SPATA21: variants seen among roughly 807,000 people sequenced by gnomAD.
The protein encoded by SPATA21 is spermatogenesis-associated protein 21.
Under a neutral mutation model 54.8 loss-of-function variants are expected in SPATA21, and 47 were observed. The ratio of observed to expected loss-of-function variants is 0.86; its 90% confidence interval spans 0.68 to 1.09. The LOEUF is 1.09. SPATA21 is among the 50% of genes least tolerant of loss of function. SPATA21 has a pLI of 0.00. For missense variants in SPATA21, 599 were observed against 596.4 expected (o/e 1.00, Z -0.05); for synonymous variants, 245 against 235.3 (o/e 1.04, Z -0.38).
At chr1:16,426,580 T>TATATATATATATATATATA (rs1553166390) in intron 3 of SPATA21, among the ~76,000 whole-genome samples, 3 of 77,990 alleles carry the variant, frequency 3.8e-5, no homozygotes, top group East Asian at 5.5e-4. Flanking sequence ...TATATATATA[T>TATATATATATATATATATA]TTTTTTTTTT....
chr1:16,429,601 A>G (rs2086407273), intron 3 of SPATA21, among the ~76,000 whole-genome samples: 1 of 151,604 alleles, frequency 6.6e-6, no homozygotes, highest in Non-Finnish European at 1.5e-5. Flanking sequence ...CAGCCTCCCA[A>G]GTTGCTGGGA....
chr1:16,415,427 C>T (rs909110244), intron 5 of SPATA21, among the ~76,000 whole-genome samples: 9 of 152,150 alleles, frequency 5.9e-5, no homozygotes, highest in Non-Finnish European at 1.2e-4. Flanking sequence ...TCATCATGGC[C>T]CTCCGGGGAC....
At position 16,408,614 on chromosome 1, in the gene SPATA21, T is replaced by C. The variant is rs908018323; in HGVS notation, c.673+504A>G. 6.2e-6 allele frequency: 5 copies of C among 807,648 alleles called. No individual in the cohort carries two copies. The African/African-American group carries it at 9.3e-5, about 15-fold the overall frequency. The allele number at this position is 807,648 out of a possible 1,614,324, so 50.0% of individuals were successfully genotyped here. On this transcript the variant is annotated intron_variant, in intron 7 of 12. Coordinates refer to ENST00000335496, the MANE Select transcript of SPATA21 (RefSeq NM_198546.1). The stretch of plus-strand genomic sequence containing the variant: ...GAGGCTGGGCGCGGTGGCTCACGCC[T>C]GTAATTCCAGACTTTGGGAGGCTGA...
At chr1:16,412,971 A>G (rs2085895580) in intron 5 of SPATA21, among the ~76,000 whole-genome samples, 1 of 151,946 alleles carries the variant, frequency 6.6e-6, no homozygotes. Context: ...TTTAGTAGAG[A>G]CAAGGTTTCA....
chr1:16,404,917 A>G, intron 8 of SPATA21, 50 bp downstream of exon 8: 4 of 1,510,482 alleles, frequency 2.6e-6, no homozygotes, highest in Non-Finnish European at 3.5e-6. Flanking sequence ...GTTTCAAGCC[A>G]GTGAAGCAGG....
chr1:16,399,227 C>T, intron 12 of SPATA21, 117 bp downstream of exon 12: 1 of 1,197,556 alleles, frequency 8.4e-7, no homozygotes, highest in Non-Finnish European at 1.1e-6. Flanking sequence ...CTCCCTGGAG[C>T]AAGCAGCCTC....
chr1:16,427,846 G>C (rs1278121428), intron 3 of SPATA21: 5 of 1,540,440 alleles, frequency 3.2e-6, no homozygotes, highest in Non-Finnish European at 3.5e-6. Context: ...CTGTTCTCTC[G>C]AGAGCCCCTC....
intron 2 of SPATA21, 115 bp from the exon 3 acceptor site, chr1:16,431,537 A>C (rs1570222371): frequency 2.1e-6 from 2 of 950,326 alleles, no homozygotes; most frequent in Admixed American, 5.7e-5. Context: ...AGGCGGGGCC[A>C]GGCCTTGCAA....
chr1:16,403,960 C>T lies in SPATA21; in HGVS notation c.883+8G>A. The T allele has an allele frequency of 6.3e-7, 1 of 1,598,320 alleles. No individual in the cohort carries two copies. ...AGTTCTGACTACGCTGGGCTCATCC[C>T]TGCTCACCCACAGAGCAGAAGAAGC... On this transcript the variant is annotated splice_region_variant and intron_variant, in intron 9 of 12. Coordinates refer to ENST00000335496, the MANE Select transcript of SPATA21 (RefSeq NM_198546.1).
chr1:16,420,119 G>A (rs1481441568), intron 5 of SPATA21, among the ~76,000 whole-genome samples: 1 of 151,970 alleles, frequency 6.6e-6, no homozygotes, highest in Non-Finnish European at 1.5e-5. Context: ...TGACATGGGA[G>A]GAGAACCAAG....
chr1:16,413,322 T>C (rs547137869), intron 5 of SPATA21, among the ~76,000 whole-genome samples: 2 of 152,362 alleles, frequency 1.3e-5, no homozygotes, highest in East Asian at 3.9e-4. Context: ...TCAAAGCTCA[T>C]CCATGTGGCA....
At chr1:16,436,875 A>G (rs1434952829) in intron 1 of SPATA21, among the ~76,000 whole-genome samples, 1 of 152,078 alleles carries the variant, frequency 6.6e-6, no homozygotes, top group Non-Finnish European at 1.5e-5. Flanking sequence ...CAAATAAATA[A>G]ATAAATAAAT....
At chr1:16,426,921 G>A (rs1003743284) in intron 3 of SPATA21, among the ~76,000 whole-genome samples, 1 of 151,846 alleles carries the variant, frequency 6.6e-6, no homozygotes, top group African/African-American at 2.4e-5. Context: ...TGTGTTTTTC[G>A]CATGCTAAAA....
intron 5 of SPATA21, among the ~76,000 whole-genome samples, chr1:16,419,403 G>A (rs2086107577): frequency 6.6e-6 from 1 of 152,110 alleles, no homozygotes; most frequent in Non-Finnish European, 1.5e-5. Context: ...TGGAAGGAAG[G>A]GACGGATTCA....
intron 7 of SPATA21, 146 bp from the exon 8 acceptor site, chr1:16,405,250 C>T (rs548038387): frequency 1.7e-6 from 2 of 1,202,808 alleles, no homozygotes; most frequent in South Asian, 1.7e-5. Flanking sequence ...ACCTGTAATC[C>T]CAACATTTTG....
chr1:16,415,674 C>T (rs1272556455), intron 5 of SPATA21, among the ~76,000 whole-genome samples: 1 of 152,314 alleles, frequency 6.6e-6, no homozygotes, highest in Admixed American at 6.5e-5. Context: ...ATTCTCCTGC[C>T]TCAGCCTCCC....
In SPATA21 at chr1:16,407,682, A is replaced by G. The variant is rs370410592; in HGVS notation, c.673+1436T>C. On this transcript the variant is annotated intron_variant, in intron 7 of 12. Transcript: ENST00000335496. The stretch of plus-strand genomic sequence containing the variant: ...ACCATGTTGGTCAGGCTGGTCTCGA[A>G]CTCCTGACCTCGTGATCCACCCGCC... 3.3e-5 allele frequency among the ~76,000 whole-genome samples: 5 copies of G among 151,620 alleles called. No homozygotes were observed. In the South Asian group the frequency reaches 1.0e-3, roughly 32 times the overall value.
At chr1:16,425,194 G>A (rs2086288440) in intron 3 of SPATA21, 1 of 496,078 alleles carries the variant, frequency 2.0e-6, no homozygotes. Flanking sequence ...TAACAGGCGT[G>A]AGCCACCATG....
rs1343687725 is a variant in SPATA21, at chr1:16,431,320, C to T, written c.34+18G>A. ...CTCAGGCCAGGACTTGGCTGCGTCC[C>T]TGGAGCCTTGGTTCTACCCTCCGTG... On this transcript the variant is annotated intron_variant, in intron 3 of 12. Transcript: ENST00000335496. 2.5e-6 allele frequency: 4 copies of T among 1,614,202 alleles called. No homozygotes were observed. Among genetic ancestry groups the T allele is most frequent in the Non-Finnish European group, 3.4e-6 (4 of 1,180,032 alleles).
Sources: gnomAD v4.1 joint callset for allele counts (sites outside exome capture counted in the v4.1 genomes callset) on GRCh38, gnomAD v4.1.1 for gene constraint, MANE v1.5 for transcripts, NCBI Gene and HGNC (gene_info 2026-07-23, HGNC 2026-07-21) for gene names.